Variants in RBFOX3 observed in about 807,000 individuals in gnomAD.
RBFOX3 encodes RNA binding fox-1 homolog 3, also known as RNA binding protein fox-1 homolog 3.
In RBFOX3, 17 loss-of-function variants were observed where a neutral mutation model predicts 48.7. That is an observed-to-expected ratio of 0.35 (90% CI 0.24 to 0.52). RBFOX3 has a LOEUF of 0.52. RBFOX3 is among the 20% of genes least tolerant of loss of function. RBFOX3 has a pLI of 0.94. For synonymous variants in RBFOX3, 212 were observed against 209.5 expected, an observed-to-expected ratio of 1.01 and a Z score of -0.10; for missense variants, 382 against 497.5, an observed-to-expected ratio of 0.77 and a Z score of 2.21.
chr17:79,105,112 A>C (rs532833337), intron 6 of RBFOX3, among the ~76,000 whole-genome samples: 3 of 152,332 alleles, frequency 2.0e-5, no homozygotes, highest in Admixed American at 1.3e-4. Context: ...AGTGCAGGCA[A>C]CTGATGGGGG....
the RBFOX3 span, among the ~76,000 whole-genome samples, chr17:79,640,901 AT>A: frequency 6.6e-6 from 1 of 152,138 alleles, no homozygotes; most frequent in Non-Finnish European, 1.5e-5. Context: ...CTGGCCAATG[AT>A]TTTTTTGGAT....
intron 1 of RBFOX3, among the ~76,000 whole-genome samples, chr17:79,573,628 A>G (rs1318825113): frequency 6.6e-6 from 1 of 152,206 alleles, no homozygotes; most frequent in African/African-American, 2.4e-5. Flanking sequence ...CTTGATGTGA[A>G]TGATTGCTGC....
chr17:79,547,473 A>AC (rs2090602521), intron 1 of RBFOX3, among the ~76,000 whole-genome samples: 1 of 152,084 alleles, frequency 6.6e-6, no homozygotes, highest in African/African-American at 2.4e-5. Flanking sequence ...AACAAAAACA[A>AC]AAAAACTGTT....
At position 79,480,977 on chromosome 17, in the gene RBFOX3, A is replaced by G. The variant is rs973620722; in HGVS notation, c.-175+1477T>C. On this transcript the variant is annotated intron_variant, in intron 2 of 14. Coordinates refer to ENST00000693108, the MANE Select transcript of RBFOX3 (RefSeq NM_001350451.2). This position sits in a 1 kb window ranked among gnomAD's most constrained non-coding sequence, Gnocchi z 4.8. ...CACATCGGGGGCTCAAGGTTGTGGA[A>G]TGAACAATGTAGGGCAGTCTGGATG... 2.2e-4 allele frequency among the ~76,000 whole-genome samples: 34 copies of G among 152,280 alleles called. No homozygotes were observed. The highest frequency in any genetic ancestry group is 7.2e-4 in the African/African-American group (30 of 41,562).
chr17:79,556,724 T>C (rs891623524), intron 1 of RBFOX3, among the ~76,000 whole-genome samples: 7 of 151,832 alleles, frequency 4.6e-5, no homozygotes, highest in African/African-American at 1.7e-4. Context: ...AATAAGCAAA[T>C]ATCTGAGAAG....
intron 2 of RBFOX3, among the ~76,000 whole-genome samples, chr17:79,386,378 G>T (rs970681171): frequency 2.0e-5 from 3 of 152,032 alleles, no homozygotes; most frequent in Admixed American, 6.5e-5. Flanking sequence ...ATAGGTGAGG[G>T]CTCCATCACC....
intron 4 of RBFOX3, among the ~76,000 whole-genome samples, chr17:79,118,693 T>C (rs2034802613): frequency 6.6e-6 from 1 of 151,876 alleles, no homozygotes; most frequent in African/African-American, 2.4e-5. Flanking sequence ...GGGCTCCTGG[T>C]TGGGTGCAGT....
At position 79,236,404 on chromosome 17, in the gene RBFOX3, T is replaced by C. The variant is rs147329046; in HGVS notation, c.-73-599A>G. ...CCTGGGTTCGAGCGATTCTTGTGCC[T>C]CAGCCGCCCTAGTAGCTGGGAGTAC... On this transcript the variant is annotated intron_variant, in intron 3 of 14. Coordinates refer to ENST00000693108, the MANE Select transcript of RBFOX3 (RefSeq NM_001350451.2). 6.5e-3 allele frequency among the ~76,000 whole-genome samples: 995 copies of C among 152,224 alleles called. 7 individuals are homozygous for C. Among genetic ancestry groups the C allele is most frequent in the African/African-American group, 0.023 (949 of 41,518 alleles).
intron 2 of RBFOX3, among the ~76,000 whole-genome samples, chr17:79,315,016 C>T (rs1358275721): frequency 2.0e-5 from 3 of 151,990 alleles, no homozygotes; most frequent in Admixed American, 6.5e-5. Context: ...AAAAATTCTC[C>T]AAAAATTTTT....
rs1011267217 is a variant in RBFOX3 at position 79,418,443 on chromosome 17, G to T, written c.-175+64011C>A. Among the ~76,000 whole-genome samples, 1 of 152,206 alleles carries T rather than the reference G, an allele frequency of 6.6e-6. No homozygotes were observed. Among genetic ancestry groups the T allele is most frequent in the Non-Finnish European group, 1.5e-5 (1 of 68,044 alleles). ...CTCCTTGAACAATTTCATAAAGAAG[G>T]ATTCACACCGTGCCACGCGAGAAAG... On this transcript the variant is annotated intron_variant, in intron 2 of 14. Transcript: ENST00000693108. The surrounding 1 kb of genome is among the most constrained non-coding windows in gnomAD (Gnocchi z 5.0).
chr17:79,649,172 G>A, the RBFOX3 span, among the ~76,000 whole-genome samples: 8 of 151,858 alleles, frequency 5.3e-5, no homozygotes, highest in Non-Finnish European at 7.4e-5. Context: ...GTGGAGATGG[G>A]GTCTTGATGA....
intron 4 of RBFOX3, among the ~76,000 whole-genome samples, chr17:79,200,937 A>G (rs1338744231): frequency 2.6e-5 from 4 of 151,978 alleles, no homozygotes; most frequent in Non-Finnish European, 5.9e-5. Context: ...GGGCCTGGCC[A>G]GTCCCAATTC....
rs1240571050 is a variant in RBFOX3, at chr17:79,482,327, G to A, written c.-175+127C>T. 2.6e-5 allele frequency: 4 copies of A among 152,356 alleles called. No homozygotes were observed. The South Asian group carries it at 6.2e-4, about 24-fold the overall frequency. The allele number at this position is 152,356 out of a possible 1,614,324, so 9.4% of individuals were successfully genotyped here. On this transcript the variant is annotated intron_variant, in intron 2 of 14. Coordinates refer to ENST00000693108, the MANE Select transcript of RBFOX3 (RefSeq NM_001350451.2). This position sits in a 1 kb window ranked among gnomAD's most constrained non-coding sequence, Gnocchi z 4.1. ...AAGACACCATGACTTGAAAGCTATAGAGAGCAGCACAGAACGCCCCTACCC... is the reference window on the plus strand; with the variant it reads ...AAGACACCATGACTTGAAAGCTATAAAGAGCAGCACAGAACGCCCCTACCC...
In RBFOX3 at chr17:79,299,197, A is replaced by G. The variant is rs1489640483; in HGVS notation, c.-74+8527T>C. Among the ~76,000 whole-genome samples, 2 of 151,814 alleles carry G rather than the reference A, an allele frequency of 1.3e-5. No homozygotes were observed. The highest frequency in any genetic ancestry group is 2.4e-5 in the African/African-American group (1 of 41,314). On this transcript the variant is annotated intron_variant, in intron 3 of 14. Transcript: ENST00000693108. The surrounding 1 kb of genome is among the most constrained non-coding windows in gnomAD (Gnocchi z 4.5). ...AGGGTGGGATGTGAGGGCGGGTCCC[A>G]TTCCTGAAAGTAAACCTGGCAAACC... is the stretch of plus-strand genomic sequence containing the variant.
chr17:79,174,987 G>A (rs1265111018), intron 4 of RBFOX3, among the ~76,000 whole-genome samples: 1 of 152,130 alleles, frequency 6.6e-6, no homozygotes. Flanking sequence ...GGCCTCCTCT[G>A]CCCCTCTCCG....
chr17:79,436,369 G>A (rs1555731143), intron 2 of RBFOX3, among the ~76,000 whole-genome samples: 1 of 152,266 alleles, frequency 6.6e-6, no homozygotes, highest in East Asian at 1.9e-4. Flanking sequence ...AGAGGGGCAT[G>A]GCCCCGGGTG....
intron 1 of RBFOX3, among the ~76,000 whole-genome samples, chr17:79,491,081 G>A (rs2080481211): frequency 1.5e-4 from 1 of 6,648 alleles, no homozygotes; most frequent in African/African-American, 9.5e-4. Context: ...GGGGAGGCGA[G>A]GGGAGGCGAG....
At chr17:79,519,710 T>G (rs982039339) in intron 1 of RBFOX3, among the ~76,000 whole-genome samples, 26 of 152,166 alleles carry the variant, frequency 1.7e-4, no homozygotes, top group South Asian at 4.1e-4. Flanking sequence ...CCATGTCAGC[T>G]TGACCCTTGG....
rs192337317 is a variant in RBFOX3, at chr17:79,416,735, T to C, written c.-175+65719A>G. On this transcript the variant is annotated intron_variant, in intron 2 of 14. Transcript: ENST00000693108. ...CAGCAGCCCCTTGGATCTATCTGCCTCGATTGCTGACCCCTTGGTACTGAC... is the reference window on the plus strand; with the variant it reads ...CAGCAGCCCCTTGGATCTATCTGCCCCGATTGCTGACCCCTTGGTACTGAC... Among the ~76,000 whole-genome samples, 305 of 152,338 alleles carry C rather than the reference T, an allele frequency of 2.0e-3. 1 individual carries two copies. Among genetic ancestry groups the C allele is most frequent in the African/African-American group, 7.0e-3 (289 of 41,582 alleles).
Sources: allele counts gnomAD v4.1 joint callset (sites outside exome capture counted in the v4.1 genomes callset), GRCh38; gene constraint gnomAD v4.1.1; non-coding constraint Gnocchi (gnomAD v3.1); transcripts MANE v1.5; gene names NCBI Gene and HGNC (gene_info 2026-07-23, HGNC 2026-07-21).